RIMS2: variants seen among roughly 807,000 people sequenced by gnomAD.
RIMS2 encodes the protein regulating synaptic membrane exocytosis protein 2.
Under a neutral mutation model 174.4 loss-of-function variants are expected in RIMS2, and 59 were observed. That is an observed-to-expected ratio of 0.34 (90% CI 0.27 to 0.42). The LOEUF is 0.42. RIMS2 is among the 10% of genes least tolerant of loss of function. The pLI, the probability that RIMS2 is intolerant of heterozygous loss-of-function variation, is 1.00. For synonymous variants in RIMS2, 606 were observed against 572.5 expected (o/e 1.06, Z -0.84); for missense variants, 1,620 against 1,666.3 (o/e 0.97, Z 0.48).
chr8:103,830,550 C>G lies in RIMS2; in HGVS notation c.699-54748C>G, dbSNP rs150592727. On this transcript the variant is annotated intron_variant, in intron 3 of 23. Transcript: ENST00000504942. ...CACTGTGAGGACTATCTTGAACATT[C>G]CACATGTATTTGAAAGGAATGTGTA... Among the ~76,000 whole-genome samples, 932 of 152,166 alleles carry G rather than the reference C, an allele frequency of 6.1e-3. 12 individuals carry two copies. Among genetic ancestry groups the G allele is most frequent in the African/African-American group, 0.021 (882 of 41,516 alleles).
intron 19 of RIMS2, among the ~76,000 whole-genome samples, chr8:104,152,829 T>C (rs2098698164): frequency 6.6e-6 from 1 of 152,144 alleles, no homozygotes; most frequent in African/African-American, 2.4e-5. Context: ...CTGGTCTCTA[T>C]GTGAAGATCT....
chr8:103,919,684 T>A (rs1177403126), intron 9 of RIMS2, among the ~76,000 whole-genome samples: 1 of 152,096 alleles, frequency 6.6e-6, no homozygotes, highest in East Asian at 1.9e-4. Flanking sequence ...AAAATAGATG[T>A]TTTTTACTTT....
intron 4 of RIMS2, among the ~76,000 whole-genome samples, chr8:103,907,995 G>A (rs2154526426): frequency 2.0e-5 from 3 of 151,660 alleles, no homozygotes; most frequent in African/African-American, 7.3e-5. Flanking sequence ...AGATCCGCCC[G>A]CCTCGGCCTC....
intron 21 of RIMS2, 98 bp from the exon 28 acceptor site, chr8:104,249,389 G>A (rs759835226): frequency 3.4e-5 from 20 of 580,504 alleles, no homozygotes; most frequent in Non-Finnish European, 5.9e-5. Flanking sequence ...GAAAATATAT[G>A]GGAAATGATG....
At chr8:103,980,861 G>C (rs1239962237) in intron 16 of RIMS2, among the ~76,000 whole-genome samples, 1 of 152,130 alleles carries the variant, frequency 6.6e-6, no homozygotes, top group Non-Finnish European at 1.5e-5. Flanking sequence ...GGGGAGGGAA[G>C]AGCAGGAAGG....
At chr8:104,046,310 G>GACCTA (rs2096694364) in intron 19 of RIMS2, among the ~76,000 whole-genome samples, 1 of 151,890 alleles carries the variant, frequency 6.6e-6, no homozygotes, top group Admixed American at 6.6e-5. Flanking sequence ...ACACCCTCAT[G>GACCTA]ACCTAATTAC....
chr8:103,636,350 T>C (rs940138434), intron 1 of RIMS2, among the ~76,000 whole-genome samples: 21 of 152,186 alleles, frequency 1.4e-4, no homozygotes, highest in Admixed American at 1.4e-3. Context: ...TAAGTATCTA[T>C]CACTCTGGGG....
chr8:103,782,802 A>G (rs1485582458), intron 3 of RIMS2, among the ~76,000 whole-genome samples: 3 of 152,110 alleles, frequency 2.0e-5, no homozygotes, highest in African/African-American at 4.8e-5. Flanking sequence ...AACTCTGTTT[A>G]TATCTTCTTC....
At position 104,014,618 on chromosome 8, in the gene RIMS2, A is replaced by G; in HGVS notation, c.3334+3A>G. The G allele has an allele frequency of 6.3e-7, 1 of 1,576,782 alleles. No homozygotes were observed. The highest frequency in any genetic ancestry group is 8.7e-7 in the Non-Finnish European group (1 of 1,146,292). The stretch of plus-strand genomic sequence containing the variant: ...ACCAAAGGGAACGTTGGATAGAAGT[A>G]AGTTTTATTTCTAATTGTCTCGTTT... On this transcript the variant is annotated splice_donor_region_variant and intron_variant, in intron 19 of 23. Transcript: ENST00000504942.
At chr8:103,975,182 T>A (rs72683110) in intron 15 of RIMS2, among the ~76,000 whole-genome samples, 168 bp from the exon 18 acceptor site, 18,927 of 152,186 alleles carry the variant, frequency 0.12, 1,614 homozygotes, top group Non-Finnish European at 0.19. Context: ...TAATTTCTGT[T>A]TTCATAAAAT....
chr8:104,156,803 T>C (rs1204443063), intron 19 of RIMS2, among the ~76,000 whole-genome samples: 1 of 152,200 alleles, frequency 6.6e-6, no homozygotes, highest in African/African-American at 2.4e-5. Flanking sequence ...TAATCCTGGA[T>C]CCATCCTTCC....
intron 3 of RIMS2, among the ~76,000 whole-genome samples, chr8:103,812,596 G>T (rs1426585867): frequency 1.3e-5 from 2 of 152,056 alleles, no homozygotes; most frequent in African/African-American, 4.8e-5. Flanking sequence ...TGGCCAGGCT[G>T]GTCTCAAACT....
At chr8:103,977,105 G>C (rs2154548723) in intron 16 of RIMS2, 1 of 152,182 alleles carries the variant, frequency 6.6e-6, no homozygotes, top group South Asian at 2.1e-4. Flanking sequence ...AATTTTAATT[G>C]AGTCTTAATT....
chr8:104,222,437 T>C (rs538295666), intron 19 of RIMS2, among the ~76,000 whole-genome samples: 1 of 152,196 alleles, frequency 6.6e-6, no homozygotes, highest in East Asian at 1.9e-4. Context: ...TAATTTACAT[T>C]TTACGTTGAA....
intron 3 of RIMS2, among the ~76,000 whole-genome samples, chr8:103,868,625 T>G (rs1012661799): frequency 6.6e-6 from 1 of 152,124 alleles, no homozygotes; most frequent in African/African-American, 2.4e-5. Context: ...TAAATTTTTT[T>G]CATGGTTTTT....
chr8:104,169,356 C>A (rs2098818656), intron 19 of RIMS2, among the ~76,000 whole-genome samples: 1 of 139,020 alleles, frequency 7.2e-6, no homozygotes, highest in Non-Finnish European at 1.5e-5. Context: ...GATTCAATCT[C>A]ATTACTTGTT....
chr8:104,186,804 C>T (rs2098970412), intron 19 of RIMS2, among the ~76,000 whole-genome samples: 1 of 151,786 alleles, frequency 6.6e-6, no homozygotes, highest in Admixed American at 6.6e-5. Flanking sequence ...GATACTCCTC[C>T]TTGGCCTTTT....
chr8:103,877,630 G>T (rs761484785), intron 3 of RIMS2, among the ~76,000 whole-genome samples: 13 of 151,800 alleles, frequency 8.6e-5, no homozygotes, highest in Non-Finnish European at 1.8e-4. Context: ...TTTATTTACT[G>T]TAGCCTTATA....
At chr8:104,066,757 AT>A (rs1182608573) in intron 19 of RIMS2, among the ~76,000 whole-genome samples, 1 of 152,154 alleles carries the variant, frequency 6.6e-6, no homozygotes. Flanking sequence ...AGTTAGTCAA[AT>A]CATTATTAAC....
Sources: allele counts gnomAD v4.1 joint callset (sites outside exome capture counted in the v4.1 genomes callset), GRCh38; gene constraint gnomAD v4.1.1; transcripts MANE v1.5; gene names NCBI Gene and HGNC (gene_info 2026-07-23, HGNC 2026-07-21).